Variants in TRPM3 observed in about 807,000 individuals in gnomAD.
TRPM3 encodes long transient receptor potential channel 3.
TRPM3 carries 77 observed loss-of-function variants against 181.2 expected under a neutral mutation model. The ratio of observed to expected loss-of-function variants is 0.42; its 90% CI spans 0.35 to 0.51. The LOEUF (loss-of-function observed/expected upper bound fraction) is 0.51, where lower values mean the gene tolerates loss of function less well. Ranked by LOEUF, TRPM3 falls within the 20% of genes least tolerant of loss-of-function variation. The pLI is 0.01. For synonymous variants in TRPM3, 745 were observed against 796.4 expected (o/e 0.94, Z 1.09); for missense variants, 1,759 against 2,196.7 (o/e 0.80, Z 3.98).
rs566460848 is a variant in TRPM3, at chr9:71,259,431, G to A, written c.183+187222C>T. Among the ~76,000 whole-genome samples the A allele has an allele frequency of 3.3e-3, 510 of 152,242 alleles. 6 individuals carry two copies. Among genetic ancestry groups the A allele is most frequent in the African/African-American group, 0.012 (498 of 41,540 alleles). On this transcript the variant is annotated intron_variant, in intron 1 of 24. Transcript: ENST00000357533. ...CAGTAATGGGATTGCTGGGTCAAGTGGTATTTCTGGTTCTAGATCCTTGAG... is the reference window on the plus strand; with the variant it reads ...CAGTAATGGGATTGCTGGGTCAAGTAGTATTTCTGGTTCTAGATCCTTGAG...
chr9:71,137,359 T>G (rs986564196), intron 1 of TRPM3, among the ~76,000 whole-genome samples: 1 of 152,226 alleles, frequency 6.6e-6, no homozygotes, highest in African/African-American at 2.4e-5. Flanking sequence ...AATACAAATC[T>G]AATAGCTTAA....
chr9:71,086,508 T>G (rs2065287796), intron 1 of TRPM3, among the ~76,000 whole-genome samples: 1 of 151,974 alleles, frequency 6.6e-6, no homozygotes, highest in Non-Finnish European at 1.5e-5. Flanking sequence ...GATGTCTTTT[T>G]CTCCATTCAT....
intron 1 of TRPM3, among the ~76,000 whole-genome samples, chr9:71,017,388 A>G (rs567883065): frequency 6.6e-6 from 1 of 152,136 alleles, no homozygotes; most frequent in South Asian, 2.1e-4. Flanking sequence ...AAAGACCAAT[A>G]TTGGCATGAT....
intron 8 of TRPM3, among the ~76,000 whole-genome samples, chr9:70,686,216 G>A (rs1392389353): frequency 6.6e-6 from 1 of 151,830 alleles, no homozygotes. Flanking sequence ...TGATATATGT[G>A]TATATATACA....
chr9:71,148,597 C>T (rs1421198689), intron 1 of TRPM3, among the ~76,000 whole-genome samples: 1 of 151,958 alleles, frequency 6.6e-6, no homozygotes, highest in Admixed American at 6.6e-5. Context: ...TTAGGAAAAA[C>T]ATGAACCAAG....
intron 1 of TRPM3, among the ~76,000 whole-genome samples, chr9:71,415,610 T>G (rs1272640634): frequency 6.6e-6 from 1 of 152,004 alleles, no homozygotes; most frequent in Non-Finnish European, 1.5e-5. Context: ...CTTTGATAAA[T>G]TATAAATCTC....
chr9:70,740,993 A>C (rs551743857), intron 8 of TRPM3, among the ~76,000 whole-genome samples: 1 of 152,386 alleles, frequency 6.6e-6, no homozygotes, highest in South Asian at 2.1e-4. Context: ...TTTGCACAGC[A>C]AAACAAACAA....
At chr9:70,817,718 C>T (rs754213166) in intron 6 of TRPM3, among the ~76,000 whole-genome samples, 3 of 152,150 alleles carry the variant, frequency 2.0e-5, no homozygotes, top group Non-Finnish European at 2.9e-5. Flanking sequence ...TCATACCTAA[C>T]TTTTGTCATC....
chr9:71,183,121 G>A (rs2077495169), intron 1 of TRPM3, among the ~76,000 whole-genome samples: 1 of 152,030 alleles, frequency 6.6e-6, no homozygotes, highest in Admixed American at 6.6e-5. Context: ...GTATATAGAA[G>A]AATGTATTTT....
At chr9:71,036,018 T>C (rs1394905379) in intron 1 of TRPM3, among the ~76,000 whole-genome samples, 16 of 151,556 alleles carry the variant, frequency 1.1e-4, no homozygotes, top group Admixed American at 7.9e-4. Flanking sequence ...TGGGATTTTT[T>C]TTTCAGTTGT....
chr9:70,972,779 T>C (rs2097260348), intron 1 of TRPM3, among the ~76,000 whole-genome samples: 1 of 152,142 alleles, frequency 6.6e-6, no homozygotes. Context: ...TGGTAATACT[T>C]GTAAGGCTTT....
chr9:71,153,054 C>T (rs895277549), intron 1 of TRPM3, among the ~76,000 whole-genome samples: 2 of 152,014 alleles, frequency 1.3e-5, no homozygotes, highest in Admixed American at 1.3e-4. Flanking sequence ...ATTTCAATCT[C>T]CGTAACACCC....
intron 1 of TRPM3, among the ~76,000 whole-genome samples, chr9:71,175,249 G>C (rs1254804438): frequency 1.3e-5 from 2 of 152,212 alleles, no homozygotes; most frequent in Non-Finnish European, 2.9e-5. Flanking sequence ...TAAATGGCTT[G>C]TGGAGCTGCA....
chr9:70,652,276 A>G (rs560151534), intron 9 of TRPM3, among the ~76,000 whole-genome samples: 9 of 152,160 alleles, frequency 5.9e-5, no homozygotes, highest in African/African-American at 2.2e-4. Context: ...TAAGACAGTT[A>G]ATTTGATTGA....
intron 1 of TRPM3, among the ~76,000 whole-genome samples, chr9:71,088,732 G>A (rs2065695599): frequency 6.6e-6 from 1 of 151,910 alleles, no homozygotes; most frequent in Non-Finnish European, 1.5e-5. Context: ...TATACATGAG[G>A]TCATTTCCAG....
At chr9:70,895,755 A>G (rs1005198565) in intron 1 of TRPM3, among the ~76,000 whole-genome samples, 1 of 152,196 alleles carries the variant, frequency 6.6e-6, no homozygotes, top group Non-Finnish European at 1.5e-5. Context: ...TTAGAAAGTT[A>G]TAATCTTTAT....
chr9:70,600,210 C>T (rs367980343), intron 20 of TRPM3, among the ~76,000 whole-genome samples: 2 of 152,036 alleles, frequency 1.3e-5, no homozygotes, highest in African/African-American at 2.4e-5. Context: ...TGAAGCTGTG[C>T]ACCAGGGCCA....
intron 3 of TRPM3, among the ~76,000 whole-genome samples, chr9:70,859,112 C>T (rs2095460962): frequency 6.6e-6 from 1 of 152,142 alleles, no homozygotes; most frequent in Admixed American, 6.6e-5. Flanking sequence ...GGTCACCCAT[C>T]CACTGAGAGT....
rs568710883 is a variant in TRPM3, at chr9:71,319,793, G to A, written c.183+126860C>T. ...TTGGCAACAAGCAAATGATCCTCAG[G>A]GTCAGCTAGGCTATGGCCATTACTA... is the stretch of plus-strand genomic sequence containing the variant. On this transcript the variant is annotated intron_variant, in intron 1 of 24. Transcript: ENST00000357533. Among the ~76,000 whole-genome samples, 337 of 152,040 alleles carry A rather than the reference G, an allele frequency of 2.2e-3. 2 individuals are homozygous for A. The highest frequency in any genetic ancestry group is 3.8e-3 in the Non-Finnish European group (256 of 67,992).
Sources: allele counts gnomAD v4.1 joint callset (sites outside exome capture counted in the v4.1 genomes callset), GRCh38; gene constraint gnomAD v4.1.1; transcripts MANE v1.5; gene names NCBI Gene and HGNC (gene_info 2026-07-23, HGNC 2026-07-21).